The following DNAH12 variants were observed in gnomAD, a reference collection of about 807,000 sequenced individuals.
DNAH12 encodes dynein axonemal heavy chain 12.
A neutral mutation model predicts 371.5 loss-of-function variants in DNAH12; 285 were observed. The observed-to-expected ratio is 0.77, with a 90% CI of 0.70 to 0.85. The LOEUF is 0.85. Ranked by LOEUF, DNAH12 falls within the 40% of genes least tolerant of loss-of-function variation. The pLI is 0.00. For missense variants in DNAH12, 3,611 were observed against 3,689.4 expected (o/e 0.98, Z 0.55); for synonymous variants, 1,200 against 1,213.0 (o/e 0.99, Z 0.22).
Position 57,523,786 on chromosome 3 carries a change from A to C in DNAH12, c.252+17T>G. The stretch of plus-strand genomic sequence containing the variant: ...TGATATAAGGATAAACTTTTTAACG[A>C]GAAAACATAAACTTACAGTTTGAGG... On this transcript the variant is annotated intron_variant, in intron 3 of 73. Transcript: ENST00000495027. 6.3e-7 allele frequency: 1 copy of C among 1,583,208 alleles called. No homozygotes were observed. Among genetic ancestry groups the C allele is most frequent in the Non-Finnish European group, 8.6e-7 (1 of 1,168,398 alleles).
the DNAH12 span, among the ~76,000 whole-genome samples, chr3:57,550,868 T>G: frequency 6.6e-6 from 1 of 151,430 alleles, no homozygotes; most frequent in African/African-American, 2.4e-5. Flanking sequence ...ATTGTTTCAG[T>G]GGCTAGAAAC....
chr3:57,354,966 C>T (rs917402015), intron 59 of DNAH12, among the ~76,000 whole-genome samples: 85 of 152,054 alleles, frequency 5.6e-4, no homozygotes, highest in African/African-American at 1.7e-3. Context: ...CCAAGGGTTA[C>T]GGAAGGGGTA....
chr3:57,493,907 A>G (rs142236753), intron 11 of DNAH12: 2 of 152,328 alleles, frequency 1.3e-5, no homozygotes, highest in East Asian at 3.9e-4. Context: ...AACTAATATT[A>G]TACTTAATGA....
At chr3:57,483,590 A>G in intron 12 of DNAH12, 79 bp from the exon 13 acceptor site, 1 of 1,381,780 alleles carries the variant, frequency 7.2e-7, no homozygotes, top group Admixed American at 2.9e-5. Context: ...TATGACGATT[A>G]CTATAAAATA....
intron 29 of DNAH12, among the ~76,000 whole-genome samples, chr3:57,437,715 C>T (rs548486437): frequency 1.3e-5 from 2 of 152,080 alleles, no homozygotes; most frequent in African/African-American, 2.4e-5. Context: ...CTGGTTCTCC[C>T]GAACATCCAT....
chr3:57,351,200 C>T (rs781797481), intron 60 of DNAH12, among the ~76,000 whole-genome samples: 7 of 152,056 alleles, frequency 4.6e-5, no homozygotes, highest in African/African-American at 1.7e-4. Flanking sequence ...ACCCGGGAGG[C>T]GGAGGTTGTG....
intron 2 of DNAH12, among the ~76,000 whole-genome samples, chr3:57,528,098 G>A (rs1337176815): frequency 6.6e-6 from 1 of 151,772 alleles, no homozygotes; most frequent in African/African-American, 2.4e-5. Context: ...GTGCAATCTC[G>A]GCTCACCGCA....
At chr3:57,351,258 GAC>G (rs2153321423) in intron 60 of DNAH12, among the ~76,000 whole-genome samples, 1 of 151,918 alleles carries the variant, frequency 6.6e-6, no homozygotes, top group South Asian at 2.1e-4. Context: ...AACAGAGTGA[GAC>G]TGTCTCAAAA....
At chr3:57,460,920 G>A (rs1393416251) in intron 19 of DNAH12, among the ~76,000 whole-genome samples, 1 of 152,142 alleles carries the variant, frequency 6.6e-6, no homozygotes, top group African/African-American at 2.4e-5. Context: ...TTCCAGAGCA[G>A]CATCTGAAAC....
chr3:57,347,721 T>TAAAAAAAAA (rs367887966), intron 60 of DNAH12, among the ~76,000 whole-genome samples: 1 of 131,232 alleles, frequency 7.6e-6, no homozygotes. Context: ...GAATCTGTCT[T>TAAAAAAAAA]AAAAAAAAAA....
At chr3:57,511,589 C>A (rs572858717) in intron 4 of DNAH12, among the ~76,000 whole-genome samples, 8 of 152,198 alleles carry the variant, frequency 5.3e-5, no homozygotes, top group African/African-American at 1.9e-4. Context: ...ATAAGTTGAT[C>A]CTAAAGTTCA....
At position 57,403,486 on chromosome 3, in the gene DNAH12, A is replaced by G. The variant is rs1298296487; in HGVS notation, c.6771T>C (p.His2257=). The part of the protein sequence containing the change: ...NLVIFRYVLE[H]LSRICRVLKQ... ...TTAGAACTCGACATATTCTTGATAA[A>G]TGTTCCAAAACATACCTACCACAAA... is the stretch of plus-strand genomic sequence containing the variant. Residue 2257 remains histidine (H), a synonymous_variant, in exon 43 of 74, where the codon CAT becomes CAC. Transcript: ENST00000495027. 2 of 1,548,438 alleles carry G rather than the reference A, an allele frequency of 1.3e-6. No homozygotes were observed. Among genetic ancestry groups the G allele is most frequent in the East Asian group, 2.4e-5 (1 of 40,880 alleles).
chr3:57,389,829 T>G, intron 45 of DNAH12, among the ~76,000 whole-genome samples: 1 of 122,584 alleles, frequency 8.2e-6, no homozygotes, highest in Non-Finnish European at 1.8e-5. Flanking sequence ...TGTGTATATA[T>G]ATATATATAT....
chr3:57,506,379 C>T (rs1368457512), intron 8 of DNAH12, among the ~76,000 whole-genome samples: 1 of 152,144 alleles, frequency 6.6e-6, no homozygotes, highest in Non-Finnish European at 1.5e-5. Flanking sequence ...AGTCGACAAA[C>T]ACTACAAATC....
intron 50 of DNAH12, among the ~76,000 whole-genome samples, chr3:57,380,828 A>G (rs1352162380): frequency 6.6e-6 from 1 of 152,016 alleles, no homozygotes; most frequent in Non-Finnish European, 1.5e-5. Flanking sequence ...CCTCAAGAAC[A>G]TGTTAAACAT....
At chr3:57,421,902 C>CTTTTTTTTTTTTTTTGTTTTTTTTT (rs2064596131) in intron 35 of DNAH12, among the ~76,000 whole-genome samples, 196 bp from the exon 36 acceptor site, 1 of 98,548 alleles carries the variant, frequency 1.0e-5, no homozygotes, top group African/African-American at 4.9e-5. Flanking sequence ...GTTTGCATGT[C>CTTTTTTTTTTTTTTTGTTTTTTTTT]TTTTTTTTTT....
chr3:57,551,486 T>C, the DNAH12 span, among the ~76,000 whole-genome samples: 1 of 151,856 alleles, frequency 6.6e-6, no homozygotes, highest in Non-Finnish European at 1.5e-5. Context: ...TTAGCCAGGA[T>C]GGTCTCAATC....
chr3:57,472,050 C>A (rs1263186464), intron 14 of DNAH12, among the ~76,000 whole-genome samples: 1 of 152,042 alleles, frequency 6.6e-6, no homozygotes, highest in Non-Finnish European at 1.5e-5. Flanking sequence ...TGATTGAAGG[C>A]CATGCTTTTT....
chr3:57,309,588 T>C (rs1201528263), intron 68 of DNAH12, 78 bp downstream of exon 68: 13 of 1,286,714 alleles, frequency 1.0e-5, no homozygotes, highest in African/African-American at 1.5e-5. Context: ...ATAATGCTAG[T>C]ACATGGAGTT....
Sources: allele counts gnomAD v4.1 joint callset (sites outside exome capture counted in the v4.1 genomes callset), GRCh38; gene constraint gnomAD v4.1.1; transcripts MANE v1.5; gene names NCBI Gene and HGNC (gene_info 2026-07-23, HGNC 2026-07-21).